Variants in SP100 observed in about 807,000 individuals in gnomAD.
SP100 encodes nuclear autoantigen Sp-100.
SP100 carries 84 observed loss-of-function variants against 130.0 expected under a neutral mutation model. That is an observed-to-expected ratio of 0.65 (90% confidence interval 0.54 to 0.77). The LOEUF (loss-of-function observed/expected upper bound fraction) is 0.77. Among genes scored for constraint, SP100 ranks in the 30% least tolerant of loss-of-function variants. The pLI, the probability that SP100 is intolerant of heterozygous loss-of-function variation, is 0.00. For missense variants in SP100, 978 were observed against 1,052.2 expected, an observed-to-expected ratio of 0.93 and a Z score of 0.97; for synonymous variants, 331 against 351.7, an observed-to-expected ratio of 0.94 and a Z score of 0.66.
chr2:230,469,175 C>A, intron 14 of SP100, 79 bp downstream of exon 14: 1 of 883,908 alleles, frequency 1.1e-6, no homozygotes. Context: ...TATGTTATAT[C>A]CTTTAAAATA....
rs539062030 is a variant in SP100, at chr2:230,502,017, T to C, written c.1721-1049T>C. Reference sequence around the variant, plus strand: ...CCGAGTAGCTGGGATTACAGGCACATACCACCACACCCAGCTTTTTTTTTT... The same window carrying C: ...CCGAGTAGCTGGGATTACAGGCACACACCACCACACCCAGCTTTTTTTTTT... On this transcript the variant is annotated intron_variant, in intron 19 of 28. Transcript: ENST00000340126. Among the ~76,000 whole-genome samples the C allele has an allele frequency of 3.2e-3, 473 of 149,950 alleles. 2 individuals carry two copies. Among genetic ancestry groups the C allele is most frequent in the African/African-American group, 0.011 (449 of 40,850 alleles).
At chr2:230,437,282 T>C (rs1309740467) in intron 2 of SP100, among the ~76,000 whole-genome samples, 2 of 152,164 alleles carry the variant, frequency 1.3e-5, no homozygotes, top group Non-Finnish European at 2.9e-5. Context: ...AACTATTTTT[T>C]TGTTTCATTC....
intron 19 of SP100, among the ~76,000 whole-genome samples, chr2:230,499,026 G>A (rs1423133771): frequency 6.6e-6 from 1 of 152,030 alleles, no homozygotes; most frequent in East Asian, 1.9e-4. Context: ...TTCTCATTCC[G>A]TGGATCTCCT....
chr2:230,434,877 A>G (rs2063203042), intron 2 of SP100, among the ~76,000 whole-genome samples: 1 of 152,246 alleles, frequency 6.6e-6, no homozygotes, highest in Non-Finnish European at 1.5e-5. Flanking sequence ...CATGAGCAAA[A>G]GGAGAGGAGC....
intron 24 of SP100, among the ~76,000 whole-genome samples, chr2:230,524,179 C>CAAAAAAAAAA (rs71420292): frequency 0.033 from 2,405 of 72,084 alleles, 3 homozygotes; most frequent in Non-Finnish European, 0.04. Flanking sequence ...ACTAAAAATA[C>CAAAAAAAAAA]AAAAAAAAAA....
At chr2:230,453,109 A>T (rs1335271117) in intron 8 of SP100, among the ~76,000 whole-genome samples, 1 of 152,134 alleles carries the variant, frequency 6.6e-6, no homozygotes, top group Non-Finnish European at 1.5e-5. Flanking sequence ...GCCTCAGGAA[A>T]CTTACGATCA....
At position 230,543,122 on chromosome 2, in the gene SP100, T is replaced by C. The variant is rs1177970442; in HGVS notation, c.*176T>C. 1.5e-5 allele frequency: 7 copies of C among 471,246 alleles called. No individual in the cohort carries two copies. The highest frequency in any genetic ancestry group is 2.3e-5 in the Non-Finnish European group (6 of 263,926). The allele number at this position is 471,246 out of a possible 1,614,324, so 29.2% of individuals were successfully genotyped here. ...AATAAAATTCAACACCCCTTCATGT[T>C]AAAAATTCTCAATAAGCTAGGTATT... is the stretch of plus-strand genomic sequence containing the variant. On this transcript the variant is annotated 3_prime_UTR_variant, in exon 29 of 29. Transcript: ENST00000340126.
At position 230,503,148 on chromosome 2, in the gene SP100, C is replaced by G. The variant is rs2067130506; in HGVS notation, c.1765+38C>G. The G allele has an allele frequency of 5.0e-6, 7 of 1,402,292 alleles. No individual in the cohort carries two copies. The South Asian group carries it at 7.2e-5, about 14-fold the overall frequency. The allele number at this position is 1,402,292 out of a possible 1,614,324, so 86.9% of individuals were successfully genotyped here. Reference sequence around the variant, plus strand: ...GATCGATATGTTTTTCATAATTAAACATTTAATATTTAATATTCTGTACTG... The same window carrying G: ...GATCGATATGTTTTTCATAATTAAAGATTTAATATTTAATATTCTGTACTG... On this transcript the variant is annotated intron_variant, in intron 20 of 28. Transcript: ENST00000340126.
chr2:230,454,469 G>A (rs770013840), intron 8 of SP100, among the ~76,000 whole-genome samples: 67 of 152,054 alleles, frequency 4.4e-4, no homozygotes, highest in Non-Finnish European at 5.9e-4. Context: ...TATCCCATAA[G>A]TTTTGATATG....
chr2:230,490,295 G>T (rs577178773), intron 17 of SP100, among the ~76,000 whole-genome samples: 1 of 151,598 alleles, frequency 6.6e-6, no homozygotes, highest in Non-Finnish European at 1.5e-5. Flanking sequence ...AGTCTGTTTT[G>T]TCAGAGACTA....
intron 17 of SP100, among the ~76,000 whole-genome samples, chr2:230,483,282 C>T (rs540677929): frequency 9.9e-5 from 15 of 152,258 alleles, no homozygotes; most frequent in African/African-American, 3.6e-4. Context: ...GCCTTGCTAA[C>T]AAGCTGCATG....
In SP100 at chr2:230,478,157, C is replaced by T. The variant is rs145652512; in HGVS notation, c.1600+3710C>T. 3.1e-3 allele frequency among the ~76,000 whole-genome samples: 464 copies of T among 152,088 alleles called. 3 individuals carry two copies. The highest frequency in any genetic ancestry group is 0.01 in the African/African-American group (428 of 41,484). On this transcript the variant is annotated intron_variant, in intron 17 of 28. Transcript: ENST00000340126. ...ATAACTGGAGGGAATTTAAATGAGA[C>T]AAGACTCTCAAAATCTTTATTTAAA... is the stretch of plus-strand genomic sequence containing the variant.
chr2:230,475,369 C>T (rs923012804), intron 17 of SP100, among the ~76,000 whole-genome samples: 2 of 152,062 alleles, frequency 1.3e-5, no homozygotes, highest in Non-Finnish European at 2.9e-5. Context: ...GTCCTTTGCC[C>T]ATTTTTTAAT....
intron 16 of SP100, among the ~76,000 whole-genome samples, 195 bp from the exon 17 acceptor site, chr2:230,474,199 G>C (rs1432926367): frequency 6.6e-6 from 1 of 152,194 alleles, no homozygotes; most frequent in African/African-American, 2.4e-5. Flanking sequence ...ATGAAGAGCT[G>C]TTTCAAAGTC....
At chr2:230,510,719 T>C (rs1690527435) in intron 23 of SP100, 1 of 222,572 alleles carries the variant, frequency 4.5e-6, no homozygotes, top group Non-Finnish European at 8.9e-6. Flanking sequence ...ATGGACTTGA[T>C]CTCTTGACCT....
chr2:230,455,689 C>G (rs772116392), intron 8 of SP100, among the ~76,000 whole-genome samples: 19 of 152,096 alleles, frequency 1.2e-4, no homozygotes, highest in Non-Finnish European at 2.4e-4. Flanking sequence ...TCTGTAGATT[C>G]TTTATTCCTT....
intron 28 of SP100, among the ~76,000 whole-genome samples, chr2:230,542,480 C>T (rs1244049409): frequency 6.6e-6 from 1 of 152,066 alleles, no homozygotes; most frequent in African/African-American, 2.4e-5. Context: ...AGGATTATGT[C>T]AAGGGGTGAG....
At chr2:230,539,929 G>A (rs1692101843) in intron 25 of SP100, among the ~76,000 whole-genome samples, 1 of 152,180 alleles carries the variant, frequency 6.6e-6, no homozygotes, top group Admixed American at 6.5e-5. Context: ...TGAGTGGTGT[G>A]TGGACAGAAT....
At chr2:230,527,026 C>A (rs1288433175) in intron 24 of SP100, among the ~76,000 whole-genome samples, 2 of 152,048 alleles carry the variant, frequency 1.3e-5, no homozygotes, top group Non-Finnish European at 2.9e-5. Context: ...GGAGAACTTC[C>A]CTAACCTAGC....
Sources: allele counts gnomAD v4.1 joint callset (sites outside exome capture counted in the v4.1 genomes callset), GRCh38; gene constraint gnomAD v4.1.1; transcripts MANE v1.5; gene names NCBI Gene and HGNC (gene_info 2026-07-23, HGNC 2026-07-21).